The following PMS2 variants were observed in gnomAD, a reference collection of about 807,000 sequenced individuals.
PMS2 encodes the protein mismatch repair endonuclease PMS2.
PMS2 carries 69 observed loss-of-function variants against 90.0 expected under a neutral mutation model. The observed-to-expected ratio is 0.77, with a 90% CI of 0.63 to 0.94. The LOEUF is 0.94. Among genes scored for constraint, PMS2 ranks in the 40% least tolerant of loss-of-function variants. PMS2 has a pLI of 0.00. For missense variants in PMS2, 966 were observed against 1,040.2 expected (o/e 0.93, Z 0.98); for synonymous variants, 332 against 375.1 (o/e 0.89, Z 1.33).
intron 10 of PMS2, among the ~76,000 whole-genome samples, chr7:5,987,993 C>A (rs1431794277): frequency 7.6e-6 from 1 of 131,018 alleles, no homozygotes; most frequent in Non-Finnish European, 1.5e-5. Context: ...GCAGAGGTTG[C>A]AGTGAGCCAA....
Position 5,999,229 on chromosome 7 carries a change from G to T in PMS2, c.584C>A (p.Ser195Ter). The change falls in exon 6 of 15, where the codon TCA becomes TAA. Residue 195 changes from serine (S) to a stop codon, truncating the protein, a stop_gained. Coordinates refer to ENST00000265849, the MANE Select transcript of PMS2 (RefSeq NM_000535.7). LOFTEE classifies it high-confidence loss of function. The part of the protein sequence containing the change: ...VQVLHAYCII[S>*]AGIRVSCTNQ... ...GGTGCAACTTACACGGATGCCTGCT[G>T]AAATGATACAGTATGCATGTAAGAC... The T allele has an allele frequency of 1.9e-6, 3 of 1,614,116 alleles. No individual in the cohort carries two copies. Among genetic ancestry groups the T allele is most frequent in the Non-Finnish European group, 2.5e-6 (3 of 1,180,018 alleles).
intron 11 of PMS2, among the ~76,000 whole-genome samples, chr7:5,983,212 G>A (rs941686584): frequency 2.6e-5 from 4 of 151,416 alleles, no homozygotes; most frequent in Non-Finnish European, 5.9e-5. Flanking sequence ...TCCCGGGTTC[G>A]AGTGATTCTT....
In PMS2 at chr7:5,991,859, A is replaced by C. The variant is rs1379235016; in HGVS notation, c.988+114T>G. The C allele has an allele frequency of 1.6e-5, 11 of 700,496 alleles. No individual in the cohort carries two copies. The East Asian group carries it at 3.0e-4, about 19-fold the overall frequency. The allele number at this position is 700,496 out of a possible 1,614,324, so 43.4% of individuals were successfully genotyped here. ...GTCTCAAAAAAAAACAAAAACAAAA[A>C]ACTTACATGACCATAAATTGTTATC... On this transcript the variant is annotated intron_variant, in intron 9 of 14. Coordinates refer to ENST00000265849, the MANE Select transcript of PMS2 (RefSeq NM_000535.7).
chr7:5,977,220 A>G (rs1781764115), intron 14 of PMS2, among the ~76,000 whole-genome samples: 1 of 147,784 alleles, frequency 6.8e-6, no homozygotes. Flanking sequence ...ACGCCCGGCT[A>G]ATTTTTTTGT....
chr7:5,998,714 G>A (rs948189013), intron 6 of PMS2, among the ~76,000 whole-genome samples: 5 of 148,692 alleles, frequency 3.4e-5, no homozygotes, highest in African/African-American at 5.0e-5. Flanking sequence ...AAAACCGGCC[G>A]GGCTTGGTGG....
At chr7:5,992,808 A>C (rs1319070072) in intron 8 of PMS2, among the ~76,000 whole-genome samples, 2 of 152,232 alleles carry the variant, frequency 1.3e-5, no homozygotes, top group Admixed American at 1.3e-4. Flanking sequence ...ATATTTCTCT[A>C]ATCATAGATT....
chr7:5,989,763 AG>A, intron 10 of PMS2, 36 bp downstream of exon 10: 1 of 1,544,698 alleles, frequency 6.5e-7, no homozygotes, highest in South Asian at 1.2e-5. Flanking sequence ...ATTAGCTAAA[AG>A]CTTTAGAAGC....
In PMS2 at chr7:5,999,241, T is replaced by C. The variant is rs375289386; in HGVS notation, c.572A>G (p.Tyr191Cys). The stretch of plus-strand genomic sequence containing the variant: ...ACGGATGCCTGCTGAAATGATACAG[T>C]ATGCATGTAAGACCTGGACCATTTT... The part of the protein sequence containing the change: ...YAKMVQVLHA[Y>C]CIISAGIRVS... Residue 191 changes from tyrosine to cysteine, a missense_variant, in exon 6 of 15, where the codon TAC (tyrosine) becomes TGC (cysteine). Tyr to Cys is a radical substitution (Grantham distance 194, BLOSUM62 -2). Around this residue, in one of 2 missense-constraint regions of PMS2, gnomAD observed 871 missense variants for 802.4 expected, o/e 1.09. Transcript: ENST00000265849. 75 of 1,614,012 alleles carry C rather than the reference T, an allele frequency of 4.6e-5. No homozygotes were observed. In the African/African-American group the frequency reaches 7.5e-4, roughly 16 times the overall value.
At position 5,987,636 on chromosome 7, in the gene PMS2, C is replaced by T. The variant is rs576825560; in HGVS notation, c.1145-16G>A. 3.8e-5 allele frequency: 58 copies of T among 1,539,920 alleles called. No individual in the cohort carries two copies. In the Admixed American group the frequency reaches 4.5e-4, roughly 12 times the overall value. On this transcript the variant is annotated splice_polypyrimidine_tract_variant and intron_variant, in intron 10 of 14. Coordinates refer to ENST00000265849, the MANE Select transcript of PMS2 (RefSeq NM_000535.7). ...ATTAAGTTACCTAAGCAAACGTGGACGGAGAAGAGGGTCAGGGACTATCCT... is the reference window on the plus strand; with the variant it reads ...ATTAAGTTACCTAAGCAAACGTGGATGGAGAAGAGGGTCAGGGACTATCCT...
intron 9 of PMS2, 21 bp downstream of exon 9, chr7:5,991,952 T>C (rs1337175632): frequency 8.4e-7 from 1 of 1,190,292 alleles, no homozygotes; most frequent in Non-Finnish European, 1.3e-6. Context: ...CTAGTTGTAC[T>C]GAAATGCCAA....
In PMS2 at chr7:5,983,211, C is replaced by T. The variant is rs1433565145; in HGVS notation, c.2007-220G>A. Among the ~76,000 whole-genome samples, 3 of 151,692 alleles carry T rather than the reference C, an allele frequency of 2.0e-5. 1 individual carries two copies. The highest frequency in any genetic ancestry group is 2.1e-4 in the South Asian group (1 of 4,820). ...CACTGCAACCTCCACCTCCCGGGTTCGAGTGATTCTTCTGCCTCAGCCTCC... is the reference window on the plus strand; with the variant it reads ...CACTGCAACCTCCACCTCCCGGGTTTGAGTGATTCTTCTGCCTCAGCCTCC... On this transcript the variant is annotated intron_variant, in intron 11 of 14. Coordinates refer to ENST00000265849, the MANE Select transcript of PMS2 (RefSeq NM_000535.7).
chr7:5,973,063 G>A lies in PMS2; in HGVS notation c.*336C>T, dbSNP rs1312907679. On this transcript the variant is annotated 3_prime_UTR_variant, in exon 15 of 15. Coordinates refer to ENST00000265849, the MANE Select transcript of PMS2 (RefSeq NM_000535.7). ...TCTCCATGTTGGTCAGGCTGGTCTCGAACTTCTGATCTCAGGTGATCCGCC... is the reference window on the plus strand; with the variant it reads ...TCTCCATGTTGGTCAGGCTGGTCTCAAACTTCTGATCTCAGGTGATCCGCC... 1.6e-4 allele frequency among the ~76,000 whole-genome samples: 21 copies of A among 132,428 alleles called. 3 individuals carry two copies. Among genetic ancestry groups the A allele is most frequent in the African/African-American group, 5.4e-4 (19 of 34,926 alleles). 86.9% of individuals were successfully genotyped at this position (132,428 alleles called of 152,430 possible).
intron 5 of PMS2, among the ~76,000 whole-genome samples, chr7:6,001,804 A>C (rs1486275274): frequency 6.6e-6 from 1 of 151,734 alleles, no homozygotes; most frequent in Non-Finnish European, 1.5e-5. Context: ...GCCAGCCTGG[A>C]CAACATGGTG....
chr7:5,999,925 G>C (rs1205946860), intron 5 of PMS2, among the ~76,000 whole-genome samples: 1 of 152,156 alleles, frequency 6.6e-6, no homozygotes, highest in Non-Finnish European at 1.5e-5. Context: ...ACACAAAAAT[G>C]TTCACTGAAA....
chr7:5,978,075 G>A (rs188811175), intron 13 of PMS2, among the ~76,000 whole-genome samples: 1,998 of 148,644 alleles, frequency 0.013, 21 homozygotes, highest in African/African-American at 0.032. Flanking sequence ...AGCCGAGATC[G>A]GCACCACTGC....
intron 5 of PMS2, chr7:6,002,209 A>T (rs1178997080): frequency 1.5e-5 from 6 of 396,094 alleles, no homozygotes; most frequent in Non-Finnish European, 2.4e-5. Context: ...TTTTTTTAAA[A>T]TTTTTCATAG....
rs786202870 is a variant in PMS2 at position 5,987,072 on chromosome 7, A to C, written c.1693T>G (p.Leu565Val). The C allele has an allele frequency of 6.2e-7, 1 of 1,614,176 alleles. No individual in the cohort carries two copies. Among genetic ancestry groups the C allele is most frequent in the Non-Finnish European group, 8.5e-7 (1 of 1,180,028 alleles). The change falls in exon 11 of 15, where the codon TTG becomes GTG. Residue 565 changes from leucine to valine, a missense_variant. This residue lies in a region of PMS2 where 871 missense variants were observed against 802.4 expected (regional missense o/e 1.09). Transcript: ENST00000265849. ...GTTGCGAGATTAGTTGGCTGAGGCA[A>C]AACTCGAAATTTACATCCGGTATCT... Reference protein sequence around the residue: ...QEDTGCKFRVLPQPTNLATPN... With the variant: ...QEDTGCKFRVVPQPTNLATPN...
chr7:5,991,847 A>T, intron 9 of PMS2, 126 bp downstream of exon 9: 1 of 672,648 alleles, frequency 1.5e-6, no homozygotes, highest in East Asian at 2.8e-5. Context: ...TCAAAAAAAA[A>T]CAAAAACAAA....
intron 5 of PMS2, chr7:6,002,208 A>G (rs1053276107): frequency 5.1e-6 from 2 of 394,130 alleles, no homozygotes; most frequent in Non-Finnish European, 9.5e-6. Context: ...TTTTTTTTAA[A>G]ATTTTTCATA....
Sources: gnomAD v4.1 joint callset for allele counts (sites outside exome capture counted in the v4.1 genomes callset) on GRCh38, gnomAD v4.1.1 for gene constraint, gnomAD v4.1.1 regional missense constraint, MANE v1.5 for transcripts, NCBI Gene and HGNC (gene_info 2026-07-23, HGNC 2026-07-21) for gene names.